Variants in LINGO2 observed in about 807,000 individuals in gnomAD.
LINGO2 encodes leucine-rich repeat and immunoglobulin-like domain-containing nogo receptor-interacting protein 2.
LINGO2 carries 14 observed loss-of-function variants against 30.6 expected under a neutral mutation model. That is an observed-to-expected ratio of 0.46 (90% CI 0.30 to 0.72). The LOEUF (loss-of-function observed/expected upper bound fraction) is 0.72, where lower values mean the gene tolerates loss of function less well. Among genes scored for constraint, LINGO2 ranks in the 30% least tolerant of loss-of-function variants. The pLI is 0.07. For missense variants in LINGO2, 729 were observed against 751.7 expected (o/e 0.97, Z 0.35); for synonymous variants, 317 against 288.5 (o/e 1.10, Z -1.00).
At chr9:28,949,343 AATAG>A in the LINGO2 span, among the ~76,000 whole-genome samples, 2 of 152,154 alleles carry the variant, frequency 1.3e-5, no homozygotes, top group African/African-American at 2.4e-5. Context: ...AGATTAACAA[AATAG>A]ATAGAACATA....
At chr9:29,139,951 A>G in the LINGO2 span, among the ~76,000 whole-genome samples, 2 of 152,070 alleles carry the variant, frequency 1.3e-5, no homozygotes, top group African/African-American at 4.8e-5. Context: ...AGAAGGAGCA[A>G]GAGATTACGA....
intron 3 of LINGO2, among the ~76,000 whole-genome samples, chr9:28,343,347 CAAAT>C (rs1188993679): frequency 1.3e-5 from 2 of 152,038 alleles, no homozygotes; most frequent in Admixed American, 6.6e-5. Context: ...TTCAAATAAA[CAAAT>C]AAACAAAAAA....
chr9:28,547,836 G>C (rs910861799), intron 1 of LINGO2, among the ~76,000 whole-genome samples: 1 of 152,110 alleles, frequency 6.6e-6, no homozygotes, highest in Non-Finnish European at 1.5e-5. Flanking sequence ...TGAAACCAAT[G>C]TCTTCATCTG....
At chr9:28,808,863 C>T in the LINGO2 span, among the ~76,000 whole-genome samples, 8 of 152,206 alleles carry the variant, frequency 5.3e-5, no homozygotes, top group South Asian at 6.2e-4. Flanking sequence ...ACTGTATATG[C>T]ATCTAGAAAG....
intron 4 of LINGO2, among the ~76,000 whole-genome samples, chr9:28,238,851 G>A (rs1335181284): frequency 6.6e-6 from 1 of 151,804 alleles, no homozygotes; most frequent in African/African-American, 2.4e-5. Flanking sequence ...ACAAATAGTT[G>A]TGATTTTTTT....
intron 2 of LINGO2, among the ~76,000 whole-genome samples, chr9:28,406,432 T>A (rs569423820): frequency 1.8e-4 from 27 of 152,256 alleles, no homozygotes; most frequent in African/African-American, 6.3e-4. Flanking sequence ...CAAAAAAGAT[T>A]TCTGGAATGT....
At chr9:28,935,877 A>T in the LINGO2 span, among the ~76,000 whole-genome samples, 1 of 152,218 alleles carries the variant, frequency 6.6e-6, no homozygotes, top group Non-Finnish European at 1.5e-5. Context: ...AGCCATGTTC[A>T]TATAATATAA....
chr9:28,451,640 T>C (rs1190296204), intron 2 of LINGO2, among the ~76,000 whole-genome samples: 3 of 151,726 alleles, frequency 2.0e-5, no homozygotes, highest in African/African-American at 7.2e-5. Flanking sequence ...ATATTGACAA[T>C]CTCTTTAGAA....
In LINGO2 at chr9:28,443,481, T is replaced by A. The variant is rs150028988; in HGVS notation, c.-279+32459A>T. On this transcript the variant is annotated intron_variant, in intron 2 of 5. Transcript: ENST00000379992. ...CCCATGGCTCTAGACTCACGCATCC[T>A]TGTGCTGTTGGGGCCCTGGTAAGCA... 2.0e-5 allele frequency among the ~76,000 whole-genome samples: 3 copies of A among 152,310 alleles called. No individual in the cohort carries two copies. The East Asian group carries it at 5.8e-4, about 29-fold the overall frequency.
chr9:28,299,075 G>C (rs992026135), intron 3 of LINGO2, among the ~76,000 whole-genome samples: 1 of 152,056 alleles, frequency 6.6e-6, no homozygotes, highest in African/African-American at 2.4e-5. Context: ...CATTTTATAG[G>C]CTATTGATTT....
chr9:28,625,158 A>T (rs1826603393), intron 1 of LINGO2, among the ~76,000 whole-genome samples: 1 of 152,066 alleles, frequency 6.6e-6, no homozygotes, highest in Admixed American at 6.6e-5. Context: ...AGTTCTGACC[A>T]TTGAGATAGG....
chr9:28,328,519 G>A (rs778663070), intron 3 of LINGO2, among the ~76,000 whole-genome samples: 18 of 151,014 alleles, frequency 1.2e-4, no homozygotes, highest in Non-Finnish European at 2.4e-4. Context: ...GAAGAGAAGA[G>A]GAATTTTTAG....
rs147709205 is a variant in LINGO2, at chr9:28,652,946, C to T, written c.-365+17254G>A. On this transcript the variant is annotated intron_variant, in intron 1 of 5. Transcript: ENST00000379992. ...TATATATTGAATTTAGGAGAAAGTG[C>T]GTTAGTTAAATTGATAGTAAGGATA... Among the ~76,000 whole-genome samples, 863 of 151,826 alleles carry T rather than the reference C, an allele frequency of 5.7e-3. 2 individuals carry two copies. The highest frequency in any genetic ancestry group is 8.9e-3 in the Non-Finnish European group (602 of 67,938).
chr9:28,198,691 G>T (rs191459066), intron 4 of LINGO2, among the ~76,000 whole-genome samples: 13 of 152,060 alleles, frequency 8.5e-5, no homozygotes, highest in African/African-American at 2.9e-4. Context: ...CATTTTTGAA[G>T]AAAACAGTCA....
chr9:28,039,670 T>C (rs1824109246), intron 4 of LINGO2, among the ~76,000 whole-genome samples: 1 of 152,174 alleles, frequency 6.6e-6, no homozygotes, highest in South Asian at 2.1e-4. Flanking sequence ...TCTTTATATC[T>C]TTATGGAGTA....
the LINGO2 span, among the ~76,000 whole-genome samples, chr9:28,861,587 TAAAATAAAATAAAAC>T: frequency 6.6e-6 from 1 of 150,498 alleles, no homozygotes; most frequent in East Asian, 2.0e-4. Flanking sequence ...AAAAATAAAA[TAAAATAAAATAAAAC>T]AAAATAAAAT....
intron 4 of LINGO2, among the ~76,000 whole-genome samples, chr9:28,202,148 A>G (rs1041428018): frequency 1.3e-5 from 2 of 152,162 alleles, no homozygotes; most frequent in Non-Finnish European, 2.9e-5. Context: ...ATTATAATAC[A>G]GTCCTCCACT....
At chr9:28,368,667 G>A (rs144671362) in intron 3 of LINGO2, among the ~76,000 whole-genome samples, 2 of 149,978 alleles carry the variant, frequency 1.3e-5, no homozygotes, top group Non-Finnish European at 3.0e-5. Flanking sequence ...CGCTATCTCG[G>A]CTCACTGCAA....
chr9:29,172,349 T>A, the LINGO2 span, among the ~76,000 whole-genome samples: 1 of 151,836 alleles, frequency 6.6e-6, no homozygotes, highest in African/African-American at 2.4e-5. Context: ...TCAAGATGAC[T>A]CTCCTCAGTT....
Sources: gnomAD v4.1 joint callset for allele counts (sites outside exome capture counted in the v4.1 genomes callset) on GRCh38, gnomAD v4.1.1 for gene constraint, MANE v1.5 for transcripts, NCBI Gene and HGNC (gene_info 2026-07-23, HGNC 2026-07-21) for gene names.